The following AGO1 variants were observed in gnomAD, a reference collection of about 807,000 sequenced individuals.
AGO1 encodes argonaute RISC component 1.
A neutral mutation model predicts 109.2 loss-of-function variants in AGO1; 11 were observed. That is an observed-to-expected ratio of 0.10 (90% confidence interval 0.06 to 0.17). AGO1 has a LOEUF of 0.17. AGO1 is among the 10% of genes least tolerant of loss of function. The probability of loss-of-function intolerance (pLI) is 1.00; values close to 1 mark genes in which losing one functional copy is unlikely to be tolerated. For synonymous variants in AGO1, 422 were observed against 418.6 expected (o/e 1.01, Z -0.10); for missense variants, 574 against 1,140.3 (o/e 0.50, Z 7.15).
chr1:35,900,626 C>T (rs1217905614), intron 8 of AGO1, among the ~76,000 whole-genome samples: 1 of 152,188 alleles, frequency 6.6e-6, no homozygotes, highest in African/African-American at 2.4e-5. Flanking sequence ...ACTTGGAACG[C>T]TGAGGCAGGA....
At chr1:35,908,699 T>G (rs185038375) in intron 12 of AGO1, among the ~76,000 whole-genome samples, 45 of 152,316 alleles carry the variant, frequency 3.0e-4, no homozygotes, top group Non-Finnish European at 5.7e-4. Flanking sequence ...GTACCTTCAT[T>G]CAAACTTCGG....
intron 12 of AGO1, among the ~76,000 whole-genome samples, chr1:35,908,171 T>C (rs891926779): frequency 1.3e-5 from 2 of 152,248 alleles, no homozygotes; most frequent in African/African-American, 4.8e-5. Flanking sequence ...CAGCCACTTA[T>C]TCTTTAGCCT....
chr1:35,907,460 C>G (rs1444698658), intron 12 of AGO1, among the ~76,000 whole-genome samples: 2 of 152,032 alleles, frequency 1.3e-5, no homozygotes, highest in Non-Finnish European at 2.9e-5. Context: ...ATCTGAACAT[C>G]GTGCAGCACA....
intron 12 of AGO1, among the ~76,000 whole-genome samples, chr1:35,912,946 T>C (rs1645664863): frequency 6.6e-6 from 1 of 152,136 alleles, no homozygotes. Context: ...CTCACACATG[T>C]AGTCTATAAC....
chr1:35,918,262 C>T (rs1026023518), intron 16 of AGO1, 60 bp from the exon 17 acceptor site: 3 of 1,348,700 alleles, frequency 2.2e-6, no homozygotes, highest in African/African-American at 1.4e-5. Context: ...AGAATTGAGC[C>T]AGGGTCCTGG....
At chr1:35,879,328 A>G (rs1645016463), upstream of AGO1, among the ~76,000 whole-genome samples, 1 of 152,060 alleles carries the variant, frequency 6.6e-6, no homozygotes. Context: ...CATGCCTGCA[A>G]TCCCAGCTAC....
At chr1:35,883,120 C>T (rs1645054934), upstream of AGO1, 1 of 1,090,860 alleles carries the variant, frequency 9.2e-7, no homozygotes, top group Non-Finnish European at 1.1e-6. This position sits in a 1 kb window ranked among gnomAD's most constrained non-coding sequence, Gnocchi z 5.4. Context: ...CCGGTGCCCC[C>T]GCCCCTCTCC....
intron 1 of AGO1, among the ~76,000 whole-genome samples, chr1:35,887,294 G>C (rs1645136476): frequency 6.6e-6 from 1 of 152,134 alleles, no homozygotes; most frequent in Non-Finnish European, 1.5e-5. Context: ...GTCTGATAAT[G>C]GGAGGTTCTG....
At chr1:35,873,002 C>T (rs1490893922) in intron 1 of AGO1, among the ~76,000 whole-genome samples, 6 of 151,846 alleles carry the variant, frequency 4.0e-5, no homozygotes, top group Admixed American at 3.9e-4. Context: ...ATCCTCCCAC[C>T]TCAGCTTCCC....
chr1:35,890,421 C>A (rs1263226050), intron 2 of AGO1, among the ~76,000 whole-genome samples: 1 of 152,090 alleles, frequency 6.6e-6, no homozygotes, highest in Admixed American at 6.5e-5. Flanking sequence ...ACATAGGGTT[C>A]TTTATACATT....
At chr1:35,914,081 G>C in intron 13 of AGO1, 80 bp downstream of exon 13, 1 of 1,598,478 alleles carries the variant, frequency 6.3e-7, no homozygotes, top group Non-Finnish European at 8.6e-7. Flanking sequence ...TGGCCAGGCA[G>C]ACTGAATCAG....
chr1:35,908,185 T>G lies in AGO1; in HGVS notation c.1582+1066T>G, dbSNP rs918929777. Among the ~76,000 whole-genome samples the G allele has an allele frequency of 2.6e-5, 4 of 152,356 alleles. No homozygotes were observed. In the South Asian group the frequency reaches 8.3e-4, roughly 32 times the overall value. On this transcript the variant is annotated intron_variant, in intron 12 of 18. Coordinates refer to ENST00000373204, the MANE Select transcript of AGO1 (RefSeq NM_012199.5). ...CCAGCCACTTATTCTTTAGCCTCTTTCAGCCACCTTGCCTTCTGTCTACCT... is the reference window on the plus strand; with the variant it reads ...CCAGCCACTTATTCTTTAGCCTCTTGCAGCCACCTTGCCTTCTGTCTACCT...
chr1:35,870,233 C>G (rs994698280), intron 1 of AGO1, among the ~76,000 whole-genome samples: 1 of 151,738 alleles, frequency 6.6e-6, no homozygotes, highest in African/African-American at 2.4e-5. Flanking sequence ...GGATTCAAAT[C>G]TAGGTCTTTT....
At position 35,919,387 on chromosome 1, in the gene AGO1, T is replaced by C; in HGVS notation, c.2466-112T>C. On this transcript the variant is annotated intron_variant, in intron 18 of 18. Transcript: ENST00000373204. This position sits in a 1 kb window ranked among gnomAD's most constrained non-coding sequence, Gnocchi z 6.6. Reference sequence around the variant, plus strand: ...TTGGGCTCGTCTGCCCAATCCTGGGTTGGGTTTCTCTCTTAAGTTGGTATG... The same window carrying C: ...TTGGGCTCGTCTGCCCAATCCTGGGCTGGGTTTCTCTCTTAAGTTGGTATG... 12 of 1,457,258 alleles carry C rather than the reference T, an allele frequency of 8.2e-6. No homozygotes were observed. In the Middle Eastern group the frequency reaches 7.0e-4, roughly 85 times the overall value. The allele number at this position is 1,457,258 out of a possible 1,614,324, so 90.3% of individuals were successfully genotyped here. A position where few individuals can be genotyped will look rare whatever the true frequency, so the allele number is the denominator to read the frequency against.
At chr1:35,894,257 C>A in intron 6 of AGO1, 58 bp from the exon 7 acceptor site, 1 of 1,605,674 alleles carries the variant, frequency 6.2e-7, no homozygotes, top group East Asian at 2.2e-5. Flanking sequence ...GGGGAGAGAC[C>A]AAGCCTGGGC....
intron 8 of AGO1, among the ~76,000 whole-genome samples, chr1:35,896,633 C>T (rs765423821): frequency 4.6e-5 from 7 of 152,166 alleles, no homozygotes; most frequent in Non-Finnish European, 1.0e-4. Context: ...TGCTGGATTA[C>T]GGGCATGAGC....
At chr1:35,902,940 A>G (rs1645445967) in intron 11 of AGO1, among the ~76,000 whole-genome samples, 2 of 151,882 alleles carry the variant, frequency 1.3e-5, no homozygotes, top group Non-Finnish European at 2.9e-5. Flanking sequence ...TTATAGCCAA[A>G]TGGTTTAAAG....
At chr1:35,885,537 G>A (rs575729309) in intron 1 of AGO1, among the ~76,000 whole-genome samples, 3 of 152,238 alleles carry the variant, frequency 2.0e-5, no homozygotes, top group East Asian at 1.9e-4. Context: ...TCCTAGGCCC[G>A]GACTGTTCTC....
intron 11 of AGO1, among the ~76,000 whole-genome samples, chr1:35,904,150 C>T (rs556626114): frequency 4.5e-4 from 58 of 128,746 alleles, no homozygotes; most frequent in Non-Finnish European, 4.9e-4. Flanking sequence ...CTCTCTCTGT[C>T]GTCCAGGTGC....
Sources: gnomAD v4.1 joint callset for allele counts (sites outside exome capture counted in the v4.1 genomes callset) on GRCh38, gnomAD v4.1.1 for gene constraint, Gnocchi (gnomAD v3.1) non-coding constraint, MANE v1.5 for transcripts, NCBI Gene and HGNC (gene_info 2026-07-23, HGNC 2026-07-21) for gene names.